Variants in PARD3B observed in about 807,000 individuals in gnomAD.
PARD3B encodes partitioning defective 3 homolog B.
A neutral mutation model predicts 130.2 loss-of-function variants in PARD3B; 103 were observed. The observed-to-expected ratio is 0.79, with a 90% confidence interval of 0.67 to 0.93. PARD3B has a LOEUF of 0.93. PARD3B is among the 40% of genes least tolerant of loss of function. PARD3B has a pLI of 0.00. For synonymous variants in PARD3B, 583 were observed against 553.2 expected, an observed-to-expected ratio of 1.05 and a Z score of -0.76; for missense variants, 1,609 against 1,499.2, an observed-to-expected ratio of 1.07 and a Z score of -1.21.
At chr2:205,480,537 T>C (rs1438759822) in intron 20 of PARD3B, among the ~76,000 whole-genome samples, 2 of 152,178 alleles carry the variant, frequency 1.3e-5, no homozygotes, top group Non-Finnish European at 2.9e-5. Flanking sequence ...TTATATATCT[T>C]GTATTCCTCC....
intron 11 of PARD3B, among the ~76,000 whole-genome samples, chr2:205,168,306 A>AGT (rs1252038272): frequency 3.9e-5 from 5 of 127,254 alleles, no homozygotes; most frequent in African/African-American, 1.5e-4. Flanking sequence ...AGAGAGAGAG[A>AGT]GAGAGAGAGA....
chr2:205,316,750 G>A (rs774442489), intron 18 of PARD3B, among the ~76,000 whole-genome samples: 11 of 151,988 alleles, frequency 7.2e-5, no homozygotes, highest in Non-Finnish European at 1.6e-4. Flanking sequence ...TTTTCAATGA[G>A]TGAATTTTCA....
chr2:205,434,292 T>C lies in PARD3B; in HGVS notation c.2742-6078T>C, dbSNP rs759081173. 3.3e-5 allele frequency among the ~76,000 whole-genome samples: 5 copies of C among 152,328 alleles called. No homozygotes were observed. The South Asian group carries it at 8.3e-4, about 25-fold the overall frequency. Reference sequence around the variant, plus strand: ...TTCTAGTTATTATTTATTTTTTCATTGAATGATAATTACTTGTTTATGTCT... The same window carrying C: ...TTCTAGTTATTATTTATTTTTTCATCGAATGATAATTACTTGTTTATGTCT... On this transcript the variant is annotated intron_variant, in intron 19 of 22. Transcript: ENST00000406610.
At chr2:205,219,534 G>T (rs1216455486) in intron 15 of PARD3B, among the ~76,000 whole-genome samples, 1 of 152,168 alleles carries the variant, frequency 6.6e-6, no homozygotes, top group East Asian at 1.9e-4. Context: ...AATATAGACA[G>T]TATTATGTAC....
intron 10 of PARD3B, among the ~76,000 whole-genome samples, chr2:205,148,336 T>A (rs1162914374): frequency 2.0e-5 from 3 of 152,180 alleles, no homozygotes; most frequent in Non-Finnish European, 4.4e-5. Context: ...ATGTGCCTGC[T>A]CATCTCTCAT....
intron 2 of PARD3B, among the ~76,000 whole-genome samples, chr2:204,707,261 G>T (rs375974974): frequency 5.3e-5 from 8 of 152,180 alleles, no homozygotes; most frequent in African/African-American, 1.9e-4. Context: ...TATTATGGTG[G>T]TGGTACTATT....
At chr2:204,732,164 T>C (rs888565577) in intron 2 of PARD3B, among the ~76,000 whole-genome samples, 1 of 152,000 alleles carries the variant, frequency 6.6e-6, no homozygotes, top group Non-Finnish European at 1.5e-5. Flanking sequence ...CACTATCTTA[T>C]TAGATATAAA....
At chr2:204,841,637 C>T (rs1375943048) in intron 2 of PARD3B, among the ~76,000 whole-genome samples, 1 of 152,036 alleles carries the variant, frequency 6.6e-6, no homozygotes, top group East Asian at 1.9e-4. Flanking sequence ...GGAATACTGG[C>T]TTTCTTTTGT....
Position 205,244,275 on chromosome 2 carries a change from G to A in PARD3B, c.2141-1503G>A, listed in dbSNP as rs920709099. On this transcript the variant is annotated intron_variant, in intron 15 of 22. Coordinates refer to ENST00000406610, the MANE Select transcript of PARD3B (RefSeq NM_001302769.2). The surrounding 1 kb of genome is among the most constrained non-coding windows in gnomAD (Gnocchi z 4.7). The stretch of plus-strand genomic sequence containing the variant: ...CTCTGAGATCAATCTAGTGTTAGGC[G>A]AAATGGAAGAGATTCTTCTTGTTAG... Among the ~76,000 whole-genome samples the A allele has an allele frequency of 1.3e-5, 2 of 152,172 alleles. No individual in the cohort carries two copies. The highest frequency in any genetic ancestry group is 2.1e-4 in the South Asian group (1 of 4,832).
intron 22 of PARD3B, among the ~76,000 whole-genome samples, chr2:205,576,901 G>A (rs2053779943): frequency 6.6e-6 from 1 of 152,146 alleles, no homozygotes; most frequent in African/African-American, 2.4e-5. Context: ...GACATCTTGA[G>A]AGTATTGAGT....
intron 19 of PARD3B, among the ~76,000 whole-genome samples, chr2:205,424,792 C>T (rs917934568): frequency 1.2e-4 from 18 of 152,084 alleles, no homozygotes; most frequent in East Asian, 3.9e-4. Context: ...GAGGGCCTGT[C>T]GTTTAGTTTT....
intron 2 of PARD3B, among the ~76,000 whole-genome samples, chr2:204,868,340 A>T (rs2045505259): frequency 6.6e-6 from 1 of 152,174 alleles, no homozygotes; most frequent in Non-Finnish European, 1.5e-5. Flanking sequence ...TATTAGTGCC[A>T]TTATCTTTAT....
intron 19 of PARD3B, among the ~76,000 whole-genome samples, chr2:205,428,814 A>G (rs905201840): frequency 1.3e-5 from 2 of 152,158 alleles, no homozygotes; most frequent in African/African-American, 2.4e-5. Context: ...AGAAATATGT[A>G]TTTCCTAACT....
intron 1 of PARD3B, among the ~76,000 whole-genome samples, chr2:204,597,442 T>C (rs1257071635): frequency 2.0e-5 from 3 of 152,204 alleles, no homozygotes; most frequent in African/African-American, 7.2e-5. Context: ...TGATGGGAAC[T>C]ACAGGAAGCC....
chr2:204,698,090 A>G (rs1365085280), intron 2 of PARD3B, among the ~76,000 whole-genome samples: 1 of 152,080 alleles, frequency 6.6e-6, no homozygotes. Context: ...GTCAACTCTC[A>G]AGACCCTCCT....
Position 205,358,866 on chromosome 2 carries a change from C to T in PARD3B, c.2631-42147C>T, listed in dbSNP as rs548949938. 2.0e-5 allele frequency among the ~76,000 whole-genome samples: 3 copies of T among 152,236 alleles called. No individual in the cohort carries two copies. The South Asian group carries it at 6.2e-4, about 32-fold the overall frequency. Reference sequence around the variant, plus strand: ...TTTTATTGTTGAATGCCTTGCTTCCCCCTTAAGACATCTTTCTTGTCTTAG... The same window carrying T: ...TTTTATTGTTGAATGCCTTGCTTCCTCCTTAAGACATCTTTCTTGTCTTAG... On this transcript the variant is annotated intron_variant, in intron 18 of 22. Transcript: ENST00000406610.
rs567340234 is a variant in PARD3B, at chr2:205,146,732, G to GT, written c.1435-11983dup. On this transcript the variant is annotated intron_variant, in intron 10 of 22. Coordinates refer to ENST00000406610, the MANE Select transcript of PARD3B (RefSeq NM_001302769.2). This position sits in a 1 kb window ranked among gnomAD's most constrained non-coding sequence, Gnocchi z 4.3. ...AGGACACATTCTTTTTTTATTTTTT[G>GT]TTTTTTTGTTTTTAAGATGGAGTCT... Among the ~76,000 whole-genome samples, 2 of 151,266 alleles carry GT rather than the reference G, an allele frequency of 1.3e-5. No homozygotes were observed. Among genetic ancestry groups the GT allele is most frequent in the Middle Eastern group, 3.4e-3 (1 of 294 alleles).
At chr2:205,113,384 C>T (rs1703779862) in intron 5 of PARD3B, 107 bp from the exon 6 acceptor site, 2 of 556,192 alleles carry the variant, frequency 3.6e-6, no homozygotes, top group South Asian at 6.0e-5. Flanking sequence ...TGATATAATC[C>T]TGAGCAGGGG....
chr2:205,570,532 C>A (rs2053524411), intron 22 of PARD3B, among the ~76,000 whole-genome samples: 1 of 152,210 alleles, frequency 6.6e-6, no homozygotes, highest in Non-Finnish European at 1.5e-5. Context: ...TATGGTCTAA[C>A]TTTCAGCTCC....
Sources: allele counts gnomAD v4.1 joint callset (sites outside exome capture counted in the v4.1 genomes callset), GRCh38; gene constraint gnomAD v4.1.1; non-coding constraint Gnocchi (gnomAD v3.1); transcripts MANE v1.5; gene names NCBI Gene and HGNC (gene_info 2026-07-23, HGNC 2026-07-21).